The following GPR137B variants were observed in gnomAD, a reference collection of about 807,000 sequenced individuals.
GPR137B encodes the protein G protein-coupled receptor 137B, also known as integral membrane protein GPR137B.
Under a neutral mutation model 42.5 loss-of-function variants are expected in GPR137B, and 42 were observed. The ratio of observed to expected loss-of-function variants is 0.99; its 90% CI spans 0.77 to 1.28. The LOEUF (loss-of-function observed/expected upper bound fraction) is 1.28. GPR137B is among the 50% of genes most tolerant of loss of function. The pLI is 0.00. For synonymous variants in GPR137B, 218 were observed against 209.7 expected, an observed-to-expected ratio of 1.04 and a Z score of -0.34; for missense variants, 487 against 493.9, an observed-to-expected ratio of 0.99 and a Z score of 0.13.
At chr1:236,152,419 A>T (rs1661893984) in intron 1 of GPR137B, among the ~76,000 whole-genome samples, 1 of 152,012 alleles carries the variant, frequency 6.6e-6, no homozygotes. Context: ...CTGAGATCGC[A>T]CCACTGCATT....
intron 2 of GPR137B, among the ~76,000 whole-genome samples, chr1:236,174,556 T>C (rs1281675281): frequency 6.6e-6 from 1 of 152,086 alleles, no homozygotes; most frequent in Admixed American, 6.6e-5. Flanking sequence ...AGAGTGGGAA[T>C]GAAGAATCTA....
intron 5 of GPR137B, among the ~76,000 whole-genome samples, chr1:236,194,358 G>A (rs1328916064): frequency 6.6e-6 from 1 of 152,094 alleles, no homozygotes; most frequent in Non-Finnish European, 1.5e-5. Flanking sequence ...TATGGTGTGA[G>A]ATAAGGATCC....
intron 1 of GPR137B, among the ~76,000 whole-genome samples, chr1:236,161,805 A>G (rs755704470): frequency 2.0e-5 from 3 of 152,080 alleles, no homozygotes; most frequent in Non-Finnish European, 4.4e-5. Context: ...GCCTCCTGCC[A>G]TGACTCTGAG....
chr1:236,158,379 G>A (rs548715362), intron 1 of GPR137B, among the ~76,000 whole-genome samples: 53 of 152,306 alleles, frequency 3.5e-4, no homozygotes, highest in African/African-American at 1.2e-3. Context: ...AGCCGAGATG[G>A]CACCACTGCG....
Position 236,208,784 on chromosome 1 carries a change from A to C in GPR137B, c.*626A>C, listed in dbSNP as rs1203198316. ...CCGTAGGTTCCTCAAGGAATCTCTT[A>C]AGTTTTGCCCAAAGACTGGTACTTC... On this transcript the variant is annotated 3_prime_UTR_variant, in exon 7 of 7. Coordinates refer to ENST00000366592, the MANE Select transcript of GPR137B (RefSeq NM_003272.4). 8 of 985,214 alleles carry C rather than the reference A, an allele frequency of 8.1e-6. No individual in the cohort carries two copies. Among genetic ancestry groups the C allele is most frequent in the Non-Finnish European group, 9.6e-6 (8 of 829,886 alleles). The allele number at this position is 985,214 out of a possible 1,614,324, so 61.0% of individuals were successfully genotyped here.
intron 5 of GPR137B, among the ~76,000 whole-genome samples, chr1:236,202,822 G>C (rs1285021847): frequency 6.6e-6 from 1 of 152,184 alleles, no homozygotes; most frequent in Non-Finnish European, 1.5e-5. Context: ...ATGTTTTCTT[G>C]TAGTAGTTTC....
chr1:236,205,262 C>A lies in GPR137B; in HGVS notation c.1091+12C>A. On this transcript the variant is annotated intron_variant, in intron 6 of 6. Coordinates refer to ENST00000366592, the MANE Select transcript of GPR137B (RefSeq NM_003272.4). ...GGACTTCAGGGAGGGTAAGACCCTACTTCATGTTAGACAAGCCTCATCAGG... is the reference window on the plus strand; with the variant it reads ...GGACTTCAGGGAGGGTAAGACCCTAATTCATGTTAGACAAGCCTCATCAGG... The A allele has an allele frequency of 6.2e-7, 1 of 1,608,458 alleles. No homozygotes were observed. Among genetic ancestry groups the A allele is most frequent in the Non-Finnish European group, 8.5e-7 (1 of 1,175,614 alleles).
Position 236,155,681 on chromosome 1 carries a change from C to T in GPR137B, c.414+12645C>T, listed in dbSNP as rs1414459589. 6.6e-6 allele frequency among the ~76,000 whole-genome samples: 1 copy of T among 152,026 alleles called. No individual in the cohort carries two copies. Among genetic ancestry groups the T allele is most frequent in the African/African-American group, 2.4e-5 (1 of 41,388 alleles). On this transcript the variant is annotated intron_variant, in intron 1 of 6. Coordinates refer to ENST00000366592, the MANE Select transcript of GPR137B (RefSeq NM_003272.4). This position sits in a 1 kb window ranked among gnomAD's most constrained non-coding sequence, Gnocchi z 4.6. ...GGAGTGAAGCTCAGTTTATGAGGCT[C>T]AGGGAGGCTCTCGTGAGCCGATGGA...
intron 5 of GPR137B, among the ~76,000 whole-genome samples, chr1:236,195,063 A>G (rs1217338053): frequency 6.6e-6 from 1 of 152,184 alleles, no homozygotes; most frequent in Non-Finnish European, 1.5e-5. Context: ...ATTTCACATC[A>G]TGGAGAATGG....
At chr1:236,172,476 A>G (rs1354107375) in intron 2 of GPR137B, among the ~76,000 whole-genome samples, 1 of 152,200 alleles carries the variant, frequency 6.6e-6, no homozygotes, top group Non-Finnish European at 1.5e-5. Flanking sequence ...TTCACTTAAA[A>G]TCACCTCTAC....
chr1:236,157,466 G>A (rs780253372), intron 1 of GPR137B, among the ~76,000 whole-genome samples: 4 of 151,994 alleles, frequency 2.6e-5, no homozygotes, highest in South Asian at 2.1e-4. Context: ...CTCATGATCC[G>A]CCTCCCCCAC....
rs1662548410 is a variant in GPR137B at position 236,171,940 on chromosome 1, G to A, written c.464+3185G>A. On this transcript the variant is annotated intron_variant, in intron 2 of 6. Transcript: ENST00000366592. The surrounding 1 kb of genome is among the most constrained non-coding windows in gnomAD (Gnocchi z 4.4). ...TGTAATCCCAGCTACTTGGGAGGCTGAGGCAGGAGAATCACTTGAACCCAG... is the reference window on the plus strand; with the variant it reads ...TGTAATCCCAGCTACTTGGGAGGCTAAGGCAGGAGAATCACTTGAACCCAG... Among the ~76,000 whole-genome samples the A allele has an allele frequency of 6.6e-6, 1 of 152,018 alleles. No homozygotes were observed. The highest frequency in any genetic ancestry group is 2.4e-5 in the African/African-American group (1 of 41,370).
At position 236,208,428 on chromosome 1, in the gene GPR137B, TAAATA is replaced by T. The variant is rs1031212606; in HGVS notation, c.*272_*276del. 121 of 984,934 alleles carry T rather than the reference TAAATA, an allele frequency of 1.2e-4. No homozygotes were observed. The African/African-American group carries it at 1.9e-3, about 16-fold the overall frequency. The allele number at this position is 984,934 out of a possible 1,614,324, so 61.0% of individuals were successfully genotyped here. A position where few individuals can be genotyped will look rare whatever the true frequency, so the allele number is the denominator to read the frequency against. On this transcript the variant is annotated 3_prime_UTR_variant, in exon 7 of 7. Transcript: ENST00000366592. ...TTATAAAGATGTATTTTGTATAACTTAAATAATAATGCTAAAGTATACTAGGGTTT... is the reference window on the plus strand; with the variant it reads ...TTATAAAGATGTATTTTGTATAACTTATAATGCTAAAGTATACTAGGGTTT...
At position 236,205,254 on chromosome 1, in the gene GPR137B, A is replaced by G; in HGVS notation, c.1091+4A>G. 6.2e-7 allele frequency: 1 copy of G among 1,611,562 alleles called. No individual in the cohort carries two copies. The highest frequency in any genetic ancestry group is 1.1e-5 in the South Asian group (1 of 90,896). ...CCCCTCAGGGACTTCAGGGAGGGTA[A>G]GACCCTACTTCATGTTAGACAAGCC... On this transcript the variant is annotated splice_donor_region_variant and intron_variant, in intron 6 of 6. Transcript: ENST00000366592.
At chr1:236,195,587 T>TC (rs1663309451) in intron 5 of GPR137B, among the ~76,000 whole-genome samples, 2 of 152,200 alleles carry the variant, frequency 1.3e-5, no homozygotes, top group Non-Finnish European at 2.9e-5. Context: ...AGATATCTCT[T>TC]CAATATCCTG....
intron 5 of GPR137B, among the ~76,000 whole-genome samples, chr1:236,189,865 C>T (rs2102918560): frequency 6.6e-6 from 1 of 152,264 alleles, no homozygotes. Flanking sequence ...CCCTGAATAT[C>T]CATGTTAATT....
At chr1:236,167,147 A>G (rs1280708448) in intron 1 of GPR137B, among the ~76,000 whole-genome samples, 1 of 152,182 alleles carries the variant, frequency 6.6e-6, no homozygotes, top group African/African-American at 2.4e-5. Context: ...CAAAGACGGA[A>G]TATATTCAAA....
chr1:236,207,010 A>G (rs1663681646), intron 6 of GPR137B: 1 of 297,734 alleles, frequency 3.4e-6, no homozygotes, highest in African/African-American at 2.3e-5. Flanking sequence ...ACAACTTTAC[A>G]ACTTTTTTCC....
chr1:236,186,325 ATATATAATTATATATAT>A (rs1226632883), intron 5 of GPR137B, among the ~76,000 whole-genome samples: 1 of 83,390 alleles, frequency 1.2e-5, no homozygotes, highest in Admixed American at 1.8e-4. Context: ...AATATAAATA[ATATATAATTATATATAT>A]TATATAATAT....
Sources: allele counts gnomAD v4.1 joint callset (sites outside exome capture counted in the v4.1 genomes callset), GRCh38; gene constraint gnomAD v4.1.1; non-coding constraint Gnocchi (gnomAD v3.1); transcripts MANE v1.5; gene names NCBI Gene and HGNC (gene_info 2026-07-23, HGNC 2026-07-21).